Variants in BSPH1 observed in about 807,000 individuals in gnomAD.
BSPH1 encodes the protein binder of sperm protein homolog 1, also known as binder of sperm 1.
A neutral mutation model predicts 22.5 loss-of-function variants in BSPH1; 21 were observed. The observed-to-expected ratio is 0.93, with a 90% CI of 0.66 to 1.35. BSPH1 has a LOEUF of 1.35. Ranked by LOEUF, BSPH1 falls within the 40% of genes most tolerant of loss-of-function variation. BSPH1 has a pLI of 0.00. For synonymous variants in BSPH1, 42 were observed against 53.6 expected (o/e 0.78, Z 0.95); for missense variants, 141 against 154.2 (o/e 0.91, Z 0.45).
At chr19:47,980,691 C>T (rs1026604301) in intron 2 of BSPH1, among the ~76,000 whole-genome samples, 1 of 151,836 alleles carries the variant, frequency 6.6e-6, no homozygotes, top group Non-Finnish European at 1.5e-5. Context: ...AGGATGGTCT[C>T]GATCTCCTGA....
intron 2 of BSPH1, among the ~76,000 whole-genome samples, chr19:47,980,656 G>A (rs918876161): frequency 4.0e-5 from 6 of 151,808 alleles, no homozygotes; most frequent in African/African-American, 1.5e-4. Context: ...TTTTTTAGTA[G>A]AGACGGGGTT....
At chr19:47,967,405 G>T (rs767363541), downstream of BSPH1, among the ~76,000 whole-genome samples, 1 of 152,162 alleles carries the variant, frequency 6.6e-6, no homozygotes, top group Non-Finnish European at 1.5e-5. Flanking sequence ...TGCTGGGGCT[G>T]CCATAAAAAA....
At chr19:47,987,050 G>A (rs1426644019) in intron 1 of BSPH1, among the ~76,000 whole-genome samples, 2 of 152,150 alleles carry the variant, frequency 1.3e-5, no homozygotes, top group Non-Finnish European at 2.9e-5. Context: ...AAAGATACCA[G>A]TCATTGGATT....
chr19:47,972,053 T>C (rs1969315300), intron 5 of BSPH1, among the ~76,000 whole-genome samples: 1 of 152,242 alleles, frequency 6.6e-6, no homozygotes, highest in East Asian at 1.9e-4. Context: ...TCGCTGGTTG[T>C]AATTGATGTC....
chr19:47,985,870 A>T (rs1969465837), intron 1 of BSPH1, among the ~76,000 whole-genome samples: 1 of 152,116 alleles, frequency 6.6e-6, no homozygotes, highest in South Asian at 2.1e-4. Context: ...GTGAATGTAA[A>T]TAAAATGAAA....
intron 5 of BSPH1, among the ~76,000 whole-genome samples, chr19:47,973,826 C>T (rs531512268): frequency 1.3e-5 from 2 of 152,328 alleles, no homozygotes; most frequent in South Asian, 4.1e-4. Context: ...CTACCTGCTT[C>T]TCCTTTCATT....
chr19:47,967,854 G>A (rs368526751), downstream of BSPH1, among the ~76,000 whole-genome samples: 7 of 152,112 alleles, frequency 4.6e-5, no homozygotes, highest in African/African-American at 1.7e-4. Context: ...GTGTTGCTTG[G>A]AAATAGAAGT....
intron 5 of BSPH1, among the ~76,000 whole-genome samples, chr19:47,974,552 G>A (rs1057355616): frequency 2.6e-5 from 4 of 151,728 alleles, no homozygotes; most frequent in African/African-American, 7.3e-5. Context: ...TTACAGGCGT[G>A]AGCCACTGTG....
chr19:47,968,697 A>AAAG (rs1185538669), intron 5 of BSPH1, among the ~76,000 whole-genome samples: 7 of 149,552 alleles, frequency 4.7e-5, no homozygotes, highest in Admixed American at 6.7e-5. Context: ...AAAAAAAAAA[A>AAAG]AAAAAAGAAA....
chr19:47,976,951 A>G, intron 4 of BSPH1, 97 bp from the exon 5 acceptor site: 2 of 1,162,462 alleles, frequency 1.7e-6, no homozygotes, highest in Non-Finnish European at 2.4e-6. Flanking sequence ...ATATGCACAC[A>G]TGTGCATGCA....
In BSPH1 at chr19:47,974,580, C is replaced by G. The variant is rs527489278; in HGVS notation, c.*2+2130G>C. 2.0e-5 allele frequency among the ~76,000 whole-genome samples: 3 copies of G among 151,608 alleles called. No individual in the cohort carries two copies. The South Asian group carries it at 6.3e-4, about 32-fold the overall frequency. On this transcript the variant is annotated intron_variant, in intron 5 of 5. Transcript: ENST00000344839. ...CCACTGTGCCCGGCCTCTCTCTTTTCTACCCGACCCTCTCTCCTCCCTCCT... is the reference window on the plus strand; with the variant it reads ...CCACTGTGCCCGGCCTCTCTCTTTTGTACCCGACCCTCTCTCCTCCCTCCT...
At chr19:47,974,918 C>G (rs2122242404) in intron 5 of BSPH1, among the ~76,000 whole-genome samples, 1 of 152,232 alleles carries the variant, frequency 6.6e-6, no homozygotes, top group South Asian at 2.1e-4. Context: ...CACACCTACC[C>G]CACTATACCC....
chr19:47,988,059 A>G (rs1372995557), intron 1 of BSPH1, among the ~76,000 whole-genome samples: 1 of 152,178 alleles, frequency 6.6e-6, no homozygotes, highest in Non-Finnish European at 1.5e-5. Context: ...AAAATTAAAA[A>G]AAGAGAAAAT....
chr19:47,977,752 G>T lies in BSPH1; in HGVS notation c.125-248C>A, dbSNP rs925547630. The stretch of plus-strand genomic sequence containing the variant: ...AGTCTCAAAATTTTGCTTAGCATTT[G>T]CCCCAGTTTCAGAAATCTCTCCTAA... On this transcript the variant is annotated intron_variant, in intron 3 of 5. Coordinates refer to ENST00000344839, the MANE Select transcript of BSPH1 (RefSeq NM_001128326.2). The T allele has an allele frequency of 5.3e-5, 47 of 878,778 alleles. No individual in the cohort carries two copies. The African/African-American group carries it at 8.2e-4, about 15-fold the overall frequency. The allele number at this position is 878,778 out of a possible 1,614,324, so 54.4% of individuals were successfully genotyped here.
intron 5 of BSPH1, among the ~76,000 whole-genome samples, chr19:47,973,543 T>C (rs1183659435): frequency 6.6e-6 from 1 of 152,154 alleles, no homozygotes; most frequent in African/African-American, 2.4e-5. Context: ...TCTGCAAATA[T>C]TTTGAGGTTA....
chr19:47,979,654 T>C (rs1969399875), intron 2 of BSPH1, 55 bp from the exon 3 acceptor site: 1 of 724,972 alleles, frequency 1.4e-6, no homozygotes, highest in Non-Finnish European at 2.2e-6. Flanking sequence ...GGCTTTAAAA[T>C]GGGCTCTTAC....
chr19:47,987,124 A>T (rs1272459986), intron 1 of BSPH1, among the ~76,000 whole-genome samples: 1 of 152,190 alleles, frequency 6.6e-6, no homozygotes, highest in Non-Finnish European at 1.5e-5. Context: ...ACCTATTTCA[A>T]ATACAGTCAT....
intron 5 of BSPH1, among the ~76,000 whole-genome samples, chr19:47,975,815 C>T (rs558871562): frequency 4.7e-4 from 71 of 152,128 alleles, no homozygotes; most frequent in African/African-American, 1.7e-3. Context: ...GCCACCACGC[C>T]CGGCTAATTT....
intron 5 of BSPH1, 74 bp downstream of exon 5, chr19:47,976,636 G>T: frequency 2.7e-6 from 3 of 1,111,930 alleles, no homozygotes; most frequent in Middle Eastern, 2.1e-4. Context: ...GTTCTCCTCT[G>T]CCAACAAAAA....
Sources: gnomAD v4.1 joint callset for allele counts (sites outside exome capture counted in the v4.1 genomes callset) on GRCh38, gnomAD v4.1.1 for gene constraint, MANE v1.5 for transcripts, NCBI Gene and HGNC (gene_info 2026-07-23, HGNC 2026-07-21) for gene names.